Variants in TTLL11 observed in about 807,000 individuals in gnomAD.
TTLL11 encodes the protein tubulin tyrosine ligase like 11, also known as tubulin polyglutamylase TTLL11.
A neutral mutation model predicts 51.7 loss-of-function variants in TTLL11; 42 were observed. The ratio of observed to expected loss-of-function variants is 0.81; its 90% CI spans 0.64 to 1.05. The LOEUF (loss-of-function observed/expected upper bound fraction) is 1.05, where lower values mean the gene tolerates loss of function less well. Among genes scored for constraint, TTLL11 ranks in the 50% least tolerant of loss-of-function variants. TTLL11 has a pLI of 0.00. For missense variants in TTLL11, 799 were observed against 940.4 expected, an observed-to-expected ratio of 0.85 and a Z score of 1.97; for synonymous variants, 381 against 383.5, an observed-to-expected ratio of 0.99 and a Z score of 0.08.
chr9:121,900,675 C>T (rs1839742391), intron 6 of TTLL11, among the ~76,000 whole-genome samples: 1 of 152,056 alleles, frequency 6.6e-6, no homozygotes. Flanking sequence ...TTGTGTTTCC[C>T]ATCTCATTAT....
chr9:121,969,248 C>T (rs917454701), intron 6 of TTLL11, among the ~76,000 whole-genome samples: 5 of 152,174 alleles, frequency 3.3e-5, no homozygotes, highest in African/African-American at 1.2e-4. Context: ...GCAACATCTC[C>T]AAGGACTCAC....
chr9:121,919,847 T>TGAAA (rs1840461342), intron 6 of TTLL11, among the ~76,000 whole-genome samples: 2 of 60,822 alleles, frequency 3.3e-5, no homozygotes, highest in African/African-American at 1.1e-4. Flanking sequence ...CCCTCATCTC[T>TGAAA]AAAAAAAAAA....
intron 3 of TTLL11, among the ~76,000 whole-genome samples, chr9:122,007,838 T>C (rs1843698308): frequency 6.6e-6 from 1 of 152,174 alleles, no homozygotes; most frequent in African/African-American, 2.4e-5. Flanking sequence ...TTACGTAGTC[T>C]TAAAGTATCT....
At chr9:122,024,222 G>A (rs1844264173) in intron 3 of TTLL11, among the ~76,000 whole-genome samples, 1 of 152,062 alleles carries the variant, frequency 6.6e-6, no homozygotes, top group African/African-American at 2.4e-5. Flanking sequence ...AATCATAAGG[G>A]AAAATTGTGA....
At chr9:122,084,002 GTTAT>G in intron 1 of TTLL11, among the ~76,000 whole-genome samples, 1 of 152,260 alleles carries the variant, frequency 6.6e-6, no homozygotes, top group African/African-American at 2.4e-5. Flanking sequence ...TTGGAACGAA[GTTAT>G]TTATACATAA....
intron 6 of TTLL11, among the ~76,000 whole-genome samples, chr9:121,937,254 T>G (rs543428890): frequency 4.6e-5 from 7 of 152,242 alleles, no homozygotes; most frequent in South Asian, 2.1e-4. Context: ...ACTTTCACTT[T>G]GTGCCAGATA....
At chr9:121,855,983 A>G (rs1837805656) in intron 8 of TTLL11, among the ~76,000 whole-genome samples, 2 of 152,156 alleles carry the variant, frequency 1.3e-5, no homozygotes, top group African/African-American at 4.8e-5. Context: ...TGTATGTCAT[A>G]TTCATTTGTG....
chr9:121,925,969 G>A (rs974420331), intron 6 of TTLL11, among the ~76,000 whole-genome samples: 2 of 152,172 alleles, frequency 1.3e-5, no homozygotes, highest in East Asian at 1.9e-4. Context: ...CTTGTGCCAC[G>A]GGAGCTCTGA....
intron 2 of TTLL11, among the ~76,000 whole-genome samples, chr9:122,036,857 A>G (rs988209338): frequency 6.6e-6 from 1 of 152,168 alleles, no homozygotes; most frequent in Non-Finnish European, 1.5e-5. Context: ...CACAGGGTAG[A>G]GGGTGTGGCA....
intron 3 of TTLL11, among the ~76,000 whole-genome samples, chr9:121,999,021 A>T (rs1257577664): frequency 6.6e-6 from 1 of 152,202 alleles, no homozygotes; most frequent in Non-Finnish European, 1.5e-5. Flanking sequence ...AGAGTTAACT[A>T]CACTGCTAAC....
Position 121,822,542 on chromosome 9 carries a change from G to T in TTLL11, c.*45C>A, listed in dbSNP as rs1836609778. 2 of 1,421,832 alleles carry T rather than the reference G, an allele frequency of 1.4e-6. No homozygotes were observed. The highest frequency in any genetic ancestry group is 1.8e-6 in the Non-Finnish European group (2 of 1,084,214). 88.1% of individuals were successfully genotyped at this position (1,421,832 alleles called of 1,614,324 possible). A position where few individuals can be genotyped will look rare whatever the true frequency, so the allele number is the denominator to read the frequency against. On this transcript the variant is annotated 3_prime_UTR_variant, in exon 9 of 9. Transcript: ENST00000321582. This position sits in a 1 kb window ranked among gnomAD's most constrained non-coding sequence, Gnocchi z 5.8. The stretch of plus-strand genomic sequence containing the variant: ...AGAATGCCTGGGGCGCTCCAGCCCT[G>T]AAAGCTGCTCTCGTCTTCCGTTTTC...
chr9:121,884,338 C>T (rs938355986), intron 6 of TTLL11, among the ~76,000 whole-genome samples: 1 of 150,080 alleles, frequency 6.7e-6, no homozygotes, highest in African/African-American at 2.4e-5. Flanking sequence ...ATGTGGTGGG[C>T]ATCCCAACCC....
In TTLL11 at chr9:122,082,762, G is replaced by T. The variant is rs890252973; in HGVS notation, c.462+9925C>A. ...AAAAATGAAATATCTGCTGGGTACAGTGGCTCACACCTGTAATCTCAGCAC... is the reference window on the plus strand; with the variant it reads ...AAAAATGAAATATCTGCTGGGTACATTGGCTCACACCTGTAATCTCAGCAC... On this transcript the variant is annotated intron_variant, in intron 1 of 8. Transcript: ENST00000321582. Among the ~76,000 whole-genome samples the T allele has an allele frequency of 6.6e-5, 10 of 152,338 alleles. No individual in the cohort carries two copies. The East Asian group carries it at 1.7e-3, about 26-fold the overall frequency.
At chr9:121,906,730 T>G (rs1839962417) in intron 6 of TTLL11, among the ~76,000 whole-genome samples, 1 of 152,008 alleles carries the variant, frequency 6.6e-6, no homozygotes, top group African/African-American at 2.4e-5. Context: ...TGAGCAATAA[T>G]CAGAAGAGAG....
chr9:121,935,607 G>A (rs1457587228), intron 6 of TTLL11, among the ~76,000 whole-genome samples: 1 of 152,240 alleles, frequency 6.6e-6, no homozygotes, highest in Admixed American at 6.5e-5. Flanking sequence ...TTTGGCTGCT[G>A]TAAGGAGAAT....
At chr9:122,057,591 C>T (rs180992037) in intron 1 of TTLL11, among the ~76,000 whole-genome samples, 17 of 152,126 alleles carry the variant, frequency 1.1e-4, no homozygotes, top group Non-Finnish European at 1.8e-4. Context: ...CCTCCCAAAT[C>T]GCTGGGATTA....
chr9:121,900,085 T>G (rs1265496771), intron 6 of TTLL11, among the ~76,000 whole-genome samples: 7 of 152,238 alleles, frequency 4.6e-5, no homozygotes, highest in African/African-American at 1.7e-4. Flanking sequence ...CTCTAATGCC[T>G]GTGTTTATTA....
At chr9:122,073,541 G>A (rs1419805140) in intron 1 of TTLL11, among the ~76,000 whole-genome samples, 13 of 152,198 alleles carry the variant, frequency 8.5e-5, no homozygotes, top group Admixed American at 8.5e-4. Flanking sequence ...AACCCAAGGT[G>A]GGGAAGGAAG....
At chr9:122,029,404 A>T (rs1844455336) in intron 3 of TTLL11, among the ~76,000 whole-genome samples, 1 of 152,170 alleles carries the variant, frequency 6.6e-6, no homozygotes, top group Non-Finnish European at 1.5e-5. Context: ...TTCCAGTGGG[A>T]TAAGAAGTGG....
Sources: gnomAD v4.1 joint callset for allele counts (sites outside exome capture counted in the v4.1 genomes callset) on GRCh38, gnomAD v4.1.1 for gene constraint, Gnocchi (gnomAD v3.1) non-coding constraint, MANE v1.5 for transcripts, NCBI Gene and HGNC (gene_info 2026-07-23, HGNC 2026-07-21) for gene names.